The following NCKAP5 variants were observed in gnomAD, a reference collection of about 807,000 sequenced individuals.
NCKAP5 encodes the protein NCK associated protein 5, also known as nck-associated protein 5.
Under a neutral mutation model 167.0 loss-of-function variants are expected in NCKAP5, and 92 were observed. The observed-to-expected ratio is 0.55, with a 90% CI of 0.47 to 0.66. The LOEUF (loss-of-function observed/expected upper bound fraction) is 0.66, where lower values mean the gene tolerates loss of function less well. Ranked by LOEUF, NCKAP5 falls within the 30% of genes least tolerant of loss-of-function variation. NCKAP5 has a pLI of 0.00. For missense variants in NCKAP5, 2,378 were observed against 2,315.0 expected, an observed-to-expected ratio of 1.03 and a Z score of -0.56; for synonymous variants, 891 against 877.4, an observed-to-expected ratio of 1.02 and a Z score of -0.27.
At chr2:133,382,286 C>T (rs1294344173) in intron 3 of NCKAP5, among the ~76,000 whole-genome samples, 1 of 152,150 alleles carries the variant, frequency 6.6e-6, no homozygotes, top group Admixed American at 6.6e-5. Context: ...CACCTGTTGG[C>T]TTAGTCTTCT....
intron 6 of NCKAP5, among the ~76,000 whole-genome samples, chr2:133,017,971 T>A (rs1186373141): frequency 6.6e-6 from 1 of 152,128 alleles, no homozygotes; most frequent in African/African-American, 2.4e-5. Context: ...TGAAGAGTCT[T>A]TTCCAATCTT....
At chr2:133,622,043 A>C in the NCKAP5 span, among the ~76,000 whole-genome samples, 1 of 152,218 alleles carries the variant, frequency 6.6e-6, no homozygotes, top group Non-Finnish European at 1.5e-5. Context: ...TCATATGATC[A>C]TCTCAATAGA....
chr2:133,669,506 G>T, the NCKAP5 span, among the ~76,000 whole-genome samples: 2 of 152,098 alleles, frequency 1.3e-5, no homozygotes, highest in Non-Finnish European at 2.9e-5. Context: ...TCCACCACTT[G>T]CCAGGTCCTC....
intron 8 of NCKAP5, among the ~76,000 whole-genome samples, chr2:132,961,656 G>C (rs2076514280): frequency 6.6e-6 from 1 of 152,142 alleles, no homozygotes; most frequent in Admixed American, 6.5e-5. Flanking sequence ...AAAAGATACT[G>C]CTTCTCTTTT....
At chr2:133,386,001 C>T (rs1404054846) in intron 3 of NCKAP5, among the ~76,000 whole-genome samples, 1 of 151,930 alleles carries the variant, frequency 6.6e-6, no homozygotes, top group South Asian at 2.1e-4. Flanking sequence ...AAACCAGCTC[C>T]TGGATTCATT....
chr2:133,083,848 A>C (rs1410009794), intron 6 of NCKAP5, among the ~76,000 whole-genome samples: 2 of 152,204 alleles, frequency 1.3e-5, no homozygotes, highest in Non-Finnish European at 2.9e-5. Flanking sequence ...TATAGCACTG[A>C]TCTTTGATTT....
intron 6 of NCKAP5, among the ~76,000 whole-genome samples, chr2:133,104,142 TAA>T (rs570649100): frequency 7.0e-6 from 1 of 143,706 alleles, no homozygotes; most frequent in Admixed American, 6.9e-5. Context: ...ACTATAGATC[TAA>T]AAAAAAAAAG....
chr2:133,266,331 G>A (rs910869963), intron 4 of NCKAP5: 1 of 152,902 alleles, frequency 6.5e-6, no homozygotes, highest in Non-Finnish European at 1.5e-5. Flanking sequence ...GGACCTTGAG[G>A]GAGGCATTGA....
chr2:132,694,161 G>A (rs1011908099), intron 19 of NCKAP5, among the ~76,000 whole-genome samples: 1 of 149,288 alleles, frequency 6.7e-6, no homozygotes, highest in South Asian at 2.1e-4. Context: ...TTCTTTATTT[G>A]ACTTAAAAAT....
At chr2:133,210,880 T>A (rs774022581) in intron 5 of NCKAP5, among the ~76,000 whole-genome samples, 12 of 152,002 alleles carry the variant, frequency 7.9e-5, no homozygotes, top group Admixed American at 1.3e-4. Flanking sequence ...TAGTATTAAG[T>A]TCAATCACTT....
intron 3 of NCKAP5, among the ~76,000 whole-genome samples, chr2:133,303,820 T>C (rs1472473985): frequency 1.3e-5 from 2 of 152,072 alleles, no homozygotes; most frequent in Non-Finnish European, 2.9e-5. Flanking sequence ...AGCAGAAAAA[T>C]CCATAGGTTA....
intron 2 of NCKAP5, among the ~76,000 whole-genome samples, chr2:133,540,933 C>CAAAAAAA (rs10666328): frequency 1.0e-5 from 1 of 100,040 alleles, no homozygotes; most frequent in East Asian, 2.6e-4. Flanking sequence ...GACTCTGTCT[C>CAAAAAAA]AAAAAAAAAA....
chr2:132,962,361 A>G (rs13422713), intron 8 of NCKAP5, among the ~76,000 whole-genome samples: 6,156 of 152,034 alleles, frequency 0.04, 411 homozygotes, highest in African/African-American at 0.14. Context: ...GAACAGAGGC[A>G]TGGGGAGCCT....
At chr2:133,470,584 G>A (rs1311087169) in intron 3 of NCKAP5, among the ~76,000 whole-genome samples, 2 of 152,216 alleles carry the variant, frequency 1.3e-5, no homozygotes, top group Admixed American at 1.3e-4. Flanking sequence ...TCAAGGCTGG[G>A]CAATGGCGGG....
intron 8 of NCKAP5, among the ~76,000 whole-genome samples, chr2:132,953,392 C>T (rs1306998026): frequency 6.6e-6 from 1 of 152,218 alleles, no homozygotes; most frequent in Non-Finnish European, 1.5e-5. Context: ...CAGTTAGATA[C>T]TTCTGTCTTG....
chr2:133,419,676 C>T (rs1689347651), intron 3 of NCKAP5, among the ~76,000 whole-genome samples: 1 of 152,178 alleles, frequency 6.6e-6, no homozygotes, highest in Admixed American at 6.5e-5. Flanking sequence ...TCTTAACCAT[C>T]CATTTCACTC....
intron 7 of NCKAP5, among the ~76,000 whole-genome samples, chr2:132,981,432 A>G (rs954853594): frequency 6.6e-6 from 1 of 152,124 alleles, no homozygotes; most frequent in Non-Finnish European, 1.5e-5. Flanking sequence ...GAGGATCCAC[A>G]GTTTCTCTCT....
At chr2:132,772,575 G>A (rs192833796) in intron 16 of NCKAP5, among the ~76,000 whole-genome samples, 1 of 152,138 alleles carries the variant, frequency 6.6e-6, no homozygotes, top group Admixed American at 6.6e-5. Context: ...ATGTTTGAAG[G>A]CTGTTAAACA....
intron 3 of NCKAP5, among the ~76,000 whole-genome samples, chr2:133,327,679 T>C (rs1330369731): frequency 6.6e-6 from 1 of 152,188 alleles, no homozygotes; most frequent in East Asian, 1.9e-4. Context: ...GAAAAACTGG[T>C]AAATAATATA....
Sources: gnomAD v4.1 joint callset for allele counts (sites outside exome capture counted in the v4.1 genomes callset) on GRCh38, gnomAD v4.1.1 for gene constraint, MANE v1.5 for transcripts, NCBI Gene and HGNC (gene_info 2026-07-23, HGNC 2026-07-21) for gene names.